PIEZO2: variants seen among roughly 807,000 people sequenced by gnomAD.
PIEZO2 encodes piezo-type mechanosensitive ion channel component 2.
Under a neutral mutation model 337.3 loss-of-function variants are expected in PIEZO2, and 172 were observed. That is an observed-to-expected ratio of 0.51 (90% CI 0.45 to 0.58). The LOEUF is 0.58. PIEZO2 is among the 20% of genes least tolerant of loss of function. The pLI is 0.00. For missense variants in PIEZO2, 3,028 were observed against 3,391.3 expected (o/e 0.89, Z 2.66); for synonymous variants, 1,251 against 1,228.5 (o/e 1.02, Z -0.38).
rs2041929867 is a variant in PIEZO2, at chr18:10,863,533, C to G, written c.493-6322G>C. On this transcript the variant is annotated intron_variant, in intron 5 of 55. Transcript: ENST00000674853. This position sits in a 1 kb window ranked among gnomAD's most constrained non-coding sequence, Gnocchi z 4.3. Reference sequence around the variant, plus strand: ...AAGAACAGGGAAGGACAAACTGAATCAGCAGACAGTGGCCAGTTAGACCAA... The same window carrying G: ...AAGAACAGGGAAGGACAAACTGAATGAGCAGACAGTGGCCAGTTAGACCAA... Among the ~76,000 whole-genome samples, 1 of 152,174 alleles carries G rather than the reference C, an allele frequency of 6.6e-6. No individual in the cohort carries two copies. The highest frequency in any genetic ancestry group is 2.4e-5 in the African/African-American group (1 of 41,432).
rs1390512923 is a variant in PIEZO2, at chr18:10,696,086, C to T, written c.7178G>A (p.Gly2393Asp). The T allele has an allele frequency of 6.2e-7, 1 of 1,613,664 alleles. No individual in the cohort carries two copies. Among genetic ancestry groups the T allele is most frequent in the Admixed American group, 1.7e-5 (1 of 60,016 alleles). Residue 2393 changes from glycine (G) to aspartate (D), a missense_variant, in exon 47 of 56, where the codon GGT becomes GAT. This residue lies in a region of PIEZO2 where 179 missense variants were observed against 281.8 expected (regional missense o/e 0.64). Transcript: ENST00000674853. The stretch of plus-strand genomic sequence containing the variant: ...CTGAAGACCTTACCTCTCAGTCACA[C>T]CAGGTAAGATGAAGAACATCCAGAA... ...IHFWMFFILP[G>D]VTERKFSQNL...
At chr18:10,725,074 G>A in intron 36 of PIEZO2, 2 of 1,530,130 alleles carry the variant, frequency 1.3e-6, no homozygotes, top group Non-Finnish European at 1.8e-6. Flanking sequence ...CCGTGAGGGA[G>A]ACAAGTTCTT....
chr18:10,735,503 T>G (rs78518425), intron 34 of PIEZO2, among the ~76,000 whole-genome samples, 173 bp from the exon 35 acceptor site: 2,711 of 152,194 alleles, frequency 0.018, 97 homozygotes, highest in African/African-American at 0.062. Flanking sequence ...ATAAAGAAAA[T>G]AGTCAATCAT....
intron 2 of PIEZO2, among the ~76,000 whole-genome samples, chr18:11,037,214 T>A (rs968813440): frequency 6.6e-6 from 1 of 152,178 alleles, no homozygotes; most frequent in Non-Finnish European, 1.5e-5. Flanking sequence ...CTCTAGCTTA[T>A]AAAACAGAAA....
At chr18:10,703,290 A>G (rs2035419674) in intron 42 of PIEZO2, among the ~76,000 whole-genome samples, 1 of 152,242 alleles carries the variant, frequency 6.6e-6, no homozygotes, top group Admixed American at 6.5e-5. Flanking sequence ...CTAAACAGGC[A>G]GTCATTTACA....
At position 10,916,460 on chromosome 18, in the gene PIEZO2, T is replaced by G. The variant is rs1451740382; in HGVS notation, c.287-5232A>C. On this transcript the variant is annotated intron_variant, in intron 3 of 55. Coordinates refer to ENST00000674853, the MANE Select transcript of PIEZO2 (RefSeq NM_001378183.1). ...AGGAGGCAGAGGCTTGGTGAGAATT[T>G]GAGCATGGCGCTGGCGGCCCAGGAG... Among the ~76,000 whole-genome samples, 10 of 152,224 alleles carry G rather than the reference T, an allele frequency of 6.6e-5. No individual in the cohort carries two copies. The South Asian group carries it at 1.9e-3, about 28-fold the overall frequency.
At position 11,126,918 on chromosome 18, in the gene PIEZO2, T is replaced by A. The variant is rs1330523727; in HGVS notation, c.64+21607A>T. On this transcript the variant is annotated intron_variant, in intron 1 of 55. Coordinates refer to ENST00000674853, the MANE Select transcript of PIEZO2 (RefSeq NM_001378183.1). The surrounding 1 kb of genome is among the most constrained non-coding windows in gnomAD (Gnocchi z 4.6). ...AACACACTGGTGTCATTTCCATTGC[T>A]GTTGTGTGAACATTTAAGGCAATGC... 1.3e-5 allele frequency among the ~76,000 whole-genome samples: 2 copies of A among 152,310 alleles called. No individual in the cohort carries two copies. The highest frequency in any genetic ancestry group is 3.9e-4 in the East Asian group (2 of 5,180).
At chr18:10,858,335 AAAAAAAAAAAAAG>A (rs1451951295) in intron 5 of PIEZO2, among the ~76,000 whole-genome samples, 1 of 144,746 alleles carries the variant, frequency 6.9e-6, no homozygotes, top group African/African-American at 2.6e-5. Flanking sequence ...AAAAAAAAAA[AAAAAAAAAAAAAG>A]AAAAGAAAAG....
At chr18:10,742,425 CA>C (rs2037260797) in intron 32 of PIEZO2, 68 bp downstream of exon 32, 2 of 1,476,210 alleles carry the variant, frequency 1.4e-6, no homozygotes, top group Non-Finnish European at 1.8e-6. Context: ...TGTTATTTTA[CA>C]GCCCTGCTCA....
At chr18:10,957,695 A>G (rs2033601445) in intron 3 of PIEZO2, among the ~76,000 whole-genome samples, 1 of 152,240 alleles carries the variant, frequency 6.6e-6, no homozygotes, top group African/African-American at 2.4e-5. Flanking sequence ...AAGCTTCTGC[A>G]CAGCAAAGGA....
intron 2 of PIEZO2, among the ~76,000 whole-genome samples, chr18:11,056,506 C>A (rs1047269073): frequency 2.6e-5 from 4 of 152,204 alleles, no homozygotes; most frequent in Admixed American, 2.6e-4. Context: ...GTGTAATTAT[C>A]TCAGTAGGTG....
intron 18 of PIEZO2, among the ~76,000 whole-genome samples, chr18:10,777,575 G>A (rs1918682): frequency 0.25 from 38,303 of 152,110 alleles, 4,941 homozygotes; most frequent in East Asian, 0.34. Context: ...CGCTCAAAGA[G>A]GGTTAATTCT....
In PIEZO2 at chr18:10,746,551, C is replaced by T. The variant is rs1321288651; in HGVS notation, c.4424+1920G>A. 6.6e-6 allele frequency among the ~76,000 whole-genome samples: 1 copy of T among 152,202 alleles called. No homozygotes were observed. Among genetic ancestry groups the T allele is most frequent in the Non-Finnish European group, 1.5e-5 (1 of 68,036 alleles). ...CTCATGGCTCCCGGAGTGTCTCCTA[C>T]CATCACACCTGCTGTCGTCTGAATG... is the stretch of plus-strand genomic sequence containing the variant. On this transcript the variant is annotated intron_variant, in intron 30 of 55. Transcript: ENST00000674853. This position sits in a 1 kb window ranked among gnomAD's most constrained non-coding sequence, Gnocchi z 4.2.
rs185356207 is a variant in PIEZO2 at position 10,968,022 on chromosome 18, C to A, written c.286+11513G>T. Among the ~76,000 whole-genome samples the A allele has an allele frequency of 2.8e-3, 432 of 152,232 alleles. 1 individual carries two copies. The highest frequency in any genetic ancestry group is 3.7e-3 in the Non-Finnish European group (254 of 68,008). ...GCTTTTGGGTTCTTGGTCATGAAGT[C>A]TTTGCCAATGGCTAGAAGGGTTTTT... On this transcript the variant is annotated intron_variant, in intron 3 of 55. Coordinates refer to ENST00000674853, the MANE Select transcript of PIEZO2 (RefSeq NM_001378183.1).
At chr18:10,686,456 T>G (rs2034549256) in intron 49 of PIEZO2, among the ~76,000 whole-genome samples, 1 of 152,218 alleles carries the variant, frequency 6.6e-6, no homozygotes, top group Non-Finnish European at 1.5e-5. Flanking sequence ...GGTGGATCTA[T>G]TTCAGGTAGC....
rs755526929 is a variant in PIEZO2 at position 10,691,365 on chromosome 18, C to G, written c.7209G>C (p.Leu2403=). ...GVTERKFSQN[L]VAQLWYFVKC... is the part of the protein sequence containing the mutation. ...TCACAAAGTACCAAAGCTGGGCAAC[C>G]AGGTTCTGGCTGAATTTCCTAAAAT... The change falls in exon 48 of 56, where the codon CTG becomes CTC. Residue 2403 remains leucine (L), a synonymous_variant. Transcript: ENST00000674853. The G allele has an allele frequency of 8.7e-6, 14 of 1,611,688 alleles. No individual in the cohort carries two copies. In the Middle Eastern group the frequency reaches 4.9e-4, roughly 57 times the overall value.
chr18:10,908,046 G>A (rs1371216701), intron 4 of PIEZO2, among the ~76,000 whole-genome samples: 1 of 152,188 alleles, frequency 6.6e-6, no homozygotes, highest in East Asian at 1.9e-4. Flanking sequence ...ATTGTGTGAA[G>A]GTGTAAATGA....
intron 7 of PIEZO2, among the ~76,000 whole-genome samples, chr18:10,829,040 A>T (rs2040763260): frequency 6.6e-6 from 1 of 152,016 alleles, no homozygotes; most frequent in South Asian, 2.1e-4. Context: ...TTTTTAAATG[A>T]TTTTTCACCT....
In PIEZO2 at chr18:10,857,185, T is replaced by C. The variant is rs1478061617; in HGVS notation, c.519A>G (p.Glu173=). Reference sequence around the variant, plus strand: ...AATCCTCTTCATAGATCAGTGCCTCTTCTGAATCAATTTTTTCTCCTTCAG... The same window carrying C: ...AATCCTCTTCATAGATCAGTGCCTCCTCTGAATCAATTTTTTCTCCTTCAG... ...ELAEGEKIDS[E]EALIYEEDFN... is the part of the protein sequence containing the mutation. The change falls in exon 6 of 56, where the codon GAA becomes GAG. Residue 173 remains glutamate, a synonymous_variant. Transcript: ENST00000674853. The C allele has an allele frequency of 1.3e-6, 2 of 1,537,846 alleles. No individual in the cohort carries two copies. Among genetic ancestry groups the C allele is most frequent in the African/African-American group, 2.7e-5 (2 of 73,166 alleles).
Sources: allele counts gnomAD v4.1 joint callset (sites outside exome capture counted in the v4.1 genomes callset), GRCh38; gene constraint gnomAD v4.1.1; regional missense constraint gnomAD v4.1.1; non-coding constraint Gnocchi (gnomAD v3.1); transcripts MANE v1.5; gene names NCBI Gene and HGNC (gene_info 2026-07-23, HGNC 2026-07-21).